Variants in CDK18 observed in about 807,000 individuals in gnomAD.
CDK18 encodes cyclin dependent kinase 18.
Under a neutral mutation model 62.0 loss-of-function variants are expected in CDK18, and 52 were observed. The observed-to-expected ratio is 0.84, with a 90% CI of 0.67 to 1.06. The LOEUF is 1.06. CDK18 is among the 50% of genes least tolerant of loss of function. CDK18 has a pLI of 0.00. For missense variants in CDK18, 604 were observed against 619.9 expected, an observed-to-expected ratio of 0.97 and a Z score of 0.27; for synonymous variants, 237 against 247.0, an observed-to-expected ratio of 0.96 and a Z score of 0.38.
intron 1 of CDK18, among the ~76,000 whole-genome samples, chr1:205,507,960 C>T: frequency 6.6e-6 from 1 of 152,170 alleles, no homozygotes; most frequent in East Asian, 1.9e-4. Context: ...TACCTTCTGG[C>T]AGTTATGAAT....
intron 8 of CDK18, 62 bp downstream of exon 8, chr1:205,526,899 G>A: frequency 1.5e-6 from 2 of 1,364,528 alleles, no homozygotes; most frequent in Admixed American, 1.7e-5. Flanking sequence ...GCCCAGTGTG[G>A]GGACCCACTC....
At chr1:205,513,899 C>A (rs1667690835) in intron 1 of CDK18, among the ~76,000 whole-genome samples, 1 of 152,258 alleles carries the variant, frequency 6.6e-6, no homozygotes, top group Non-Finnish European at 1.5e-5. Context: ...CAGGACACTG[C>A]CCCCACTGCC....
In CDK18 at chr1:205,527,044, C is replaced by G. The variant is rs1444434949; in HGVS notation, c.729+207C>G. On this transcript the variant is annotated intron_variant, in intron 8 of 15. Coordinates refer to ENST00000429964, the MANE Select transcript of CDK18 (RefSeq NM_212502.3). The surrounding 1 kb of genome is among the most constrained non-coding windows in gnomAD (Gnocchi z 4.1). ...AAGAACAGACACACACTGTCTGCCA[C>G]TGTCTAGCTGTTGGTATAAAACCCA... 3.5e-6 allele frequency: 2 copies of G among 576,490 alleles called. No individual in the cohort carries two copies. The highest frequency in any genetic ancestry group is 6.0e-5 in the Admixed American group (2 of 33,206). 35.7% of individuals were successfully genotyped at this position (576,490 alleles called of 1,614,324 possible).
chr1:205,510,528 C>T (rs558825179), intron 1 of CDK18, among the ~76,000 whole-genome samples: 6 of 152,362 alleles, frequency 3.9e-5, no homozygotes, highest in African/African-American at 1.4e-4. Context: ...GGCTGGGTGC[C>T]ATGTTCTGTG....
chr1:205,530,068 A>G, intron 13 of CDK18, 191 bp from the exon 14 acceptor site: 1 of 1,428,466 alleles, frequency 7.0e-7, no homozygotes, highest in Non-Finnish European at 9.1e-7. Flanking sequence ...CTGGAGACCG[A>G]GGAGCCTTCC....
At chr1:205,518,403 G>A (rs1667933996) in intron 1 of CDK18, among the ~76,000 whole-genome samples, 1 of 152,232 alleles carries the variant, frequency 6.6e-6, no homozygotes, top group African/African-American at 2.4e-5. Context: ...AGCCAGGGGT[G>A]AGAGGGGTTT....
Position 205,530,680 on chromosome 1 carries a change from C to A in CDK18, c.1365C>A (p.Tyr455Ter). 6.2e-7 allele frequency: 1 copy of A among 1,613,888 alleles called. No individual in the cohort carries two copies. The highest frequency in any genetic ancestry group is 1.1e-5 in the South Asian group (1 of 91,082). ...KEIQLQKDPG[Y>*]RGLAFQQPGR... ...TCCAGCTCCAGAAGGACCCAGGCTA[C>A]CGAGGCTTGGCCTTCCAGCAGCCAG... The change falls in exon 15 of 16, where the codon TAC becomes TAA. Residue 455 changes from tyrosine to a stop codon, truncating the protein, a stop_gained. Coordinates refer to ENST00000429964, the MANE Select transcript of CDK18 (RefSeq NM_212502.3). LOFTEE classifies it high-confidence loss of function.
At position 205,527,481 on chromosome 1, in the gene CDK18, AAAG is replaced by A; in HGVS notation, c.730-310_730-308del. 3 of 232,640 alleles carry A rather than the reference AAAG, an allele frequency of 1.3e-5. No individual in the cohort carries two copies. Among genetic ancestry groups the A allele is most frequent in the Admixed American group, 1.3e-4 (2 of 15,246 alleles). 14.4% of individuals were successfully genotyped at this position (232,640 alleles called of 1,614,324 possible). Reference sequence around the variant, plus strand: ...GTGACAGAGTAAAACCCTGACTCTAAAAGAAAAAAAAAAAAAAAAGGGATCAAG... The same window carrying A: ...GTGACAGAGTAAAACCCTGACTCTAAAAAAAAAAAAAAAAAAGGGATCAAG... On this transcript the variant is annotated intron_variant, in intron 8 of 15. Coordinates refer to ENST00000429964, the MANE Select transcript of CDK18 (RefSeq NM_212502.3). The surrounding 1 kb of genome is among the most constrained non-coding windows in gnomAD (Gnocchi z 4.1).
intron 1 of CDK18, among the ~76,000 whole-genome samples, chr1:205,508,030 C>T (rs923563492): frequency 9.2e-5 from 14 of 152,308 alleles, no homozygotes; most frequent in East Asian, 5.8e-4. Flanking sequence ...CCTCTGGCAG[C>T]GCCTTCTTTC....
chr1:205,514,945 G>A (rs11240503), intron 1 of CDK18, among the ~76,000 whole-genome samples: 35,883 of 152,030 alleles, frequency 0.24, 5,294 homozygotes, highest in East Asian at 0.65. Context: ...TTGAGTTTGG[G>A]AGTGGTTTTA....
At position 205,531,520 on chromosome 1, in the gene CDK18, GC is replaced by G; in HGVS notation, c.*144del. On this transcript the variant is annotated 3_prime_UTR_variant, in exon 16 of 16. Coordinates refer to ENST00000429964, the MANE Select transcript of CDK18 (RefSeq NM_212502.3). ...GGAAGACCGCTTGGCAGCCCTTCTG[GC>G]CACGGCTGTTTCTTCTTTGTGCTTC... is the stretch of plus-strand genomic sequence containing the variant. 1.4e-6 allele frequency: 1 copy of G among 734,000 alleles called. No individual in the cohort carries two copies. The highest frequency in any genetic ancestry group is 2.4e-6 in the Non-Finnish European group (1 of 416,384). 45.5% of individuals were successfully genotyped at this position (734,000 alleles called of 1,614,324 possible). A position where few individuals can be genotyped will look rare whatever the true frequency, so the allele number is the denominator to read the frequency against.
Position 205,527,834 on chromosome 1 carries a change from ACCACCG to A in CDK18, c.772_777del (p.His258_Arg259del), listed in dbSNP as rs1201825150. On this transcript the variant is annotated inframe_deletion, in exon 9 of 16. Transcript: ENST00000429964. This position sits in a 1 kb window ranked among gnomAD's most constrained non-coding sequence, Gnocchi z 4.1. ...CTGCTCCGGGGCCTCGCCTACTGTC[ACCACCG>A]CAAGATCCTGCACCGGGACCTGAAG... 1.2e-6 allele frequency: 2 copies of A among 1,613,632 alleles called. No homozygotes were observed. Among genetic ancestry groups the A allele is most frequent in the Non-Finnish European group, 1.7e-6 (2 of 1,179,900 alleles).
Position 205,524,324 on chromosome 1 carries a change from G to A in CDK18, c.366G>A (p.Lys122=), listed in dbSNP as rs1668304813. 1 of 1,614,162 alleles carries A rather than the reference G, an allele frequency of 6.2e-7. No individual in the cohort carries two copies. Among genetic ancestry groups the A allele is most frequent in the Non-Finnish European group, 8.5e-7 (1 of 1,180,044 alleles). ...KLQMESPDLP[K]PLSRMSRRAS... is the part of the protein sequence containing the mutation. ...AGATGGAGAGCCCAGATCTGCCCAA[G>A]CCGCTCAGCCGCATGTCCCGCCGGG... is the stretch of plus-strand genomic sequence containing the variant. Residue 122 remains lysine (K), a synonymous_variant, in exon 4 of 16, where the codon AAG becomes AAA. Transcript: ENST00000429964.
At chr1:205,510,014 AG>A (rs1176624813) in intron 1 of CDK18, among the ~76,000 whole-genome samples, 1 of 151,732 alleles carries the variant, frequency 6.6e-6, no homozygotes, top group Non-Finnish European at 1.5e-5. Context: ...AGGGAGGCAG[AG>A]GTTGCAGTGA....
chr1:205,522,953 AGGTGACTGGGAAGAAGAG>A, intron 1 of CDK18, 176 bp from the exon 2 acceptor site: 1 of 574,976 alleles, frequency 1.7e-6, no homozygotes, highest in South Asian at 2.2e-5. Context: ...GGGAGGAAGA[AGGTGACTGGGAAGAAGAG>A]GGTGAACACC....
intron 1 of CDK18, among the ~76,000 whole-genome samples, chr1:205,521,986 A>AG (rs1417648334): frequency 6.6e-6 from 1 of 152,198 alleles, no homozygotes; most frequent in Admixed American, 6.5e-5. Context: ...CCTTCTTGCC[A>AG]GCATGGGTGG....
chr1:205,526,259 G>A, intron 6 of CDK18, 80 bp downstream of exon 6: 2 of 1,493,890 alleles, frequency 1.3e-6, no homozygotes, highest in Non-Finnish European at 1.9e-6. Context: ...GTGGGAGCTG[G>A]GGGTAGAGGA....
intron 1 of CDK18, among the ~76,000 whole-genome samples, chr1:205,509,995 G>A (rs1038116433): frequency 6.6e-6 from 1 of 151,734 alleles, no homozygotes; most frequent in Non-Finnish European, 1.5e-5. Context: ...CACGAGAATC[G>A]CTTGAACAAG....
In CDK18 at chr1:205,526,556, G is replaced by T. The variant is rs1668441393; in HGVS notation, c.666+95G>T. Reference sequence around the variant, plus strand: ...GAAGCTGAGGGAGTGGGAGTAGTGGGATGAGGGCGACCCAGGCCTTGTTCT... The same window carrying T: ...GAAGCTGAGGGAGTGGGAGTAGTGGTATGAGGGCGACCCAGGCCTTGTTCT... On this transcript the variant is annotated intron_variant, in intron 7 of 15. Transcript: ENST00000429964. 4 of 1,051,972 alleles carry T rather than the reference G, an allele frequency of 3.8e-6. No individual in the cohort carries two copies. In the Admixed American group the frequency reaches 5.1e-5, roughly 13 times the overall value. 65.2% of individuals were successfully genotyped at this position (1,051,972 alleles called of 1,614,324 possible).
Sources: allele counts gnomAD v4.1 joint callset (sites outside exome capture counted in the v4.1 genomes callset), GRCh38; gene constraint gnomAD v4.1.1; non-coding constraint Gnocchi (gnomAD v3.1); transcripts MANE v1.5; gene names NCBI Gene and HGNC (gene_info 2026-07-23, HGNC 2026-07-21).